The following ATP6V0E2 variants were observed in gnomAD, a reference collection of about 807,000 sequenced individuals.
ATP6V0E2 encodes the protein V-type proton ATPase subunit e 2.
In ATP6V0E2, 4 loss-of-function variants were observed where a neutral mutation model predicts 11.5. The observed-to-expected ratio is 0.35, with a 90% CI of 0.17 to 0.80. ATP6V0E2 has a LOEUF of 0.80. ATP6V0E2 is among the 30% of genes least tolerant of loss of function. The pLI, the probability that ATP6V0E2 is intolerant of heterozygous loss-of-function variation, is 0.53. For missense variants in ATP6V0E2, 93 were observed against 113.5 expected, an observed-to-expected ratio of 0.82 and a Z score of 0.82; for synonymous variants, 52 against 51.0, an observed-to-expected ratio of 1.02 and a Z score of -0.09.
intron 3 of ATP6V0E2, 51 bp from the exon 4 acceptor site, chr7:149,879,284 G>C: frequency 6.9e-7 from 1 of 1,440,158 alleles, no homozygotes; most frequent in African/African-American, 1.4e-5. Flanking sequence ...GTTGGGGGCA[G>C]TGGAGTCTCC....
Position 149,880,671 on chromosome 7 carries a change from A to C in ATP6V0E2, c.*1356A>C, listed in dbSNP as rs1310497142. On this transcript the variant is annotated 3_prime_UTR_variant, in exon 4 of 4. Coordinates refer to ENST00000425642, the MANE Select transcript of ATP6V0E2 (RefSeq NM_145230.4). ...CTTGTGCTGAAAACCTGGTTCATAT[A>C]TAATAAATAATGGTGATGAAAAGAT... is the stretch of plus-strand genomic sequence containing the variant. The C allele has an allele frequency of 2.0e-5, 3 of 152,314 alleles. No homozygotes were observed. Among genetic ancestry groups the C allele is most frequent in the Admixed American group, 6.5e-5 (1 of 15,286 alleles). 9.4% of individuals were successfully genotyped at this position (152,314 alleles called of 1,614,324 possible).
At chr7:149,875,691 C>T (rs370114996) in intron 2 of ATP6V0E2, 46 bp downstream of exon 2, 11 of 1,580,912 alleles carry the variant, frequency 7.0e-6, no homozygotes, top group Non-Finnish European at 8.7e-6. Context: ...TTCCTTTGTC[C>T]TCCCTCCTTT....
At chr7:149,877,106 T>G (rs1803194724) in intron 2 of ATP6V0E2, among the ~76,000 whole-genome samples, 1 of 91,280 alleles carries the variant, frequency 1.1e-5, no homozygotes, top group African/African-American at 4.7e-5. Flanking sequence ...GCCAGTATGG[T>G]CTCAAACTCC....
chr7:149,876,673 G>A (rs1367296687), intron 2 of ATP6V0E2, among the ~76,000 whole-genome samples: 1 of 152,244 alleles, frequency 6.6e-6, no homozygotes, highest in Non-Finnish European at 1.5e-5. Flanking sequence ...CAAGAGATAA[G>A]TTCAAGTTCT....
At chr7:149,873,886 C>T, upstream of ATP6V0E2, 1 of 1,492,056 alleles carries the variant, frequency 6.7e-7, no homozygotes, top group East Asian at 2.4e-5. Context: ...CTAGGCAGGT[C>T]CTGAGTGACA....
At position 149,874,165 on chromosome 7, in the gene ATP6V0E2, C is replaced by A; in HGVS notation, c.100C>A (p.Arg34Ser). The A allele has an allele frequency of 1.9e-6, 3 of 1,548,736 alleles. No homozygotes were observed. The highest frequency in any genetic ancestry group is 1.2e-5 in the South Asian group (1 of 83,950). The change falls in exon 1 of 4, where the codon CGC becomes AGC. Residue 34 changes from arginine (R) to serine (S), a missense_variant. Physicochemically the swap from Arg to Ser is moderately radical, Grantham distance 110. Coordinates refer to ENST00000425642, the MANE Select transcript of ATP6V0E2 (RefSeq NM_145230.4). ...CTGGTTCGTGCCGAAGGGACCCAACCGCGGGTAAGGAAAGCGCGCAGGCCC... is the reference window on the plus strand; with the variant it reads ...CTGGTTCGTGCCGAAGGGACCCAACAGCGGGTAAGGAAAGCGCGCAGGCCC... ...GPWFVPKGPNRGVIITMLVAT... is the reference protein window; with the variant it reads ...GPWFVPKGPNSGVIITMLVAT...
chr7:149,879,730 G>A lies in ATP6V0E2; in HGVS notation c.*415G>A, dbSNP rs1274760974. 1 of 1,270,126 alleles carries A rather than the reference G, an allele frequency of 7.9e-7. No individual in the cohort carries two copies. Among genetic ancestry groups the A allele is most frequent in the Non-Finnish European group, 1.0e-6 (1 of 983,026 alleles). The allele number at this position is 1,270,126 out of a possible 1,614,324, so 78.7% of individuals were successfully genotyped here. On this transcript the variant is annotated 3_prime_UTR_variant, in exon 4 of 4. Transcript: ENST00000425642. ...TGCTCCGGCCCAGGCGGGGGAGTCA[G>A]TGCCCAGTCAGCAGCTCTGCCACCA... is the stretch of plus-strand genomic sequence containing the variant.
At chr7:149,875,761 G>T in intron 2 of ATP6V0E2, 116 bp downstream of exon 2, 1 of 1,015,124 alleles carries the variant, frequency 9.9e-7, no homozygotes, top group Non-Finnish European at 1.5e-6. Context: ...TTGAAAGGCT[G>T]AACCTATAAA....
chr7:149,880,028 G>C lies in ATP6V0E2; in HGVS notation c.*713G>C, dbSNP rs1341397118. The C allele has an allele frequency of 5.2e-6, 1 of 190,970 alleles. No individual in the cohort carries two copies. The highest frequency in any genetic ancestry group is 1.1e-5 in the Non-Finnish European group (1 of 93,964). The allele number at this position is 190,970 out of a possible 1,614,324, so 11.8% of individuals were successfully genotyped here. A position where few individuals can be genotyped will look rare whatever the true frequency, so the allele number is the denominator to read the frequency against. On this transcript the variant is annotated 3_prime_UTR_variant, in exon 4 of 4. Transcript: ENST00000425642. ...GGATGTCTTCCCTCCCCCGACCCCA[G>C]CCTGTCAGTCCGAGCACAGTGCAGG...
intron 1 of ATP6V0E2, chr7:149,874,576 T>A: frequency 5.4e-6 from 1 of 186,358 alleles, no homozygotes; most frequent in East Asian, 1.5e-4. Flanking sequence ...GAGGATGACC[T>A]GCGGTAACGC....
At position 149,879,757 on chromosome 7, in the gene ATP6V0E2, C is replaced by T. The variant is rs553790493; in HGVS notation, c.*442C>T. 8.9e-7 allele frequency: 1 copy of T among 1,122,896 alleles called. No individual in the cohort carries two copies. Among genetic ancestry groups the T allele is most frequent in the South Asian group, 2.9e-5 (1 of 34,222 alleles). The allele number at this position is 1,122,896 out of a possible 1,614,324, so 69.6% of individuals were successfully genotyped here. On this transcript the variant is annotated 3_prime_UTR_variant, in exon 4 of 4. Transcript: ENST00000425642. ...GCCCAGTCAGCAGCTCTGCCACCAT[C>T]CTGCTGGGAACTGGGGGGGCCTCTA...
chr7:149,879,588 CT>C lies in ATP6V0E2; in HGVS notation c.*276del. The stretch of plus-strand genomic sequence containing the variant: ...CCCGCACTGCTCTGGAGTTTGCCCT[CT>C]TTCCCAAGGAGATGCTGCTGGGGAG... On this transcript the variant is annotated 3_prime_UTR_variant, in exon 4 of 4. Coordinates refer to ENST00000425642, the MANE Select transcript of ATP6V0E2 (RefSeq NM_145230.4). The C allele has an allele frequency of 6.7e-7, 1 of 1,487,636 alleles. No individual in the cohort carries two copies. The highest frequency in any genetic ancestry group is 1.4e-5 in the South Asian group (1 of 69,978). The allele number at this position is 1,487,636 out of a possible 1,614,324, so 92.2% of individuals were successfully genotyped here.
chr7:149,878,777 C>T lies in ATP6V0E2; in HGVS notation c.*6C>T, dbSNP rs750430948. The T allele has an allele frequency of 9.3e-6, 15 of 1,612,678 alleles. 1 individual carries two copies. Among genetic ancestry groups the T allele is most frequent in the South Asian group, 4.4e-5 (4 of 91,068 alleles). ...TGCGCTTCCTGTGGGAGTGACCCGC[C>T]GCCCCCGACCCAGGTACTGTGTGGG... is the stretch of plus-strand genomic sequence containing the variant. On this transcript the variant is annotated 3_prime_UTR_variant, in exon 3 of 4. Coordinates refer to ENST00000425642, the MANE Select transcript of ATP6V0E2 (RefSeq NM_145230.4).
At position 149,874,087 on chromosome 7, in the gene ATP6V0E2, C is replaced by T. The variant is rs11538585; in HGVS notation, c.22C>T (p.Leu8Phe). 1 of 1,550,054 alleles carries T rather than the reference C, an allele frequency of 6.5e-7. No individual in the cohort carries two copies. Among genetic ancestry groups the T allele is most frequent in the Admixed American group, 2.0e-5 (1 of 50,988 alleles). ...GGCCATGACGGCGCACTCATTCGCC[C>T]TCCCGGTCATCATCTTCACCACGTT... Reference protein sequence around the residue: MTAHSFALPVIIFTTFWG... With the variant: MTAHSFAFPVIIFTTFWG... Residue 8 changes from leucine (L) to phenylalanine (F), a missense_variant, in exon 1 of 4, where the codon CTC becomes TTC. By Grantham distance (22) the Leu-to-Phe change is conservative. Transcript: ENST00000425642.
upstream of ATP6V0E2, chr7:149,873,960 T>C: frequency 6.5e-7 from 1 of 1,545,196 alleles, no homozygotes; most frequent in Non-Finnish European, 8.7e-7. Context: ...CTTCGGGTGC[T>C]CGACTCCTGT....
At position 149,879,588 on chromosome 7, in the gene ATP6V0E2, C is replaced by T. The variant is rs746952118; in HGVS notation, c.*273C>T. 4.7e-6 allele frequency: 7 copies of T among 1,487,518 alleles called. No homozygotes were observed. In the African/African-American group the frequency reaches 7.1e-5, roughly 15 times the overall value. 92.1% of individuals were successfully genotyped at this position (1,487,518 alleles called of 1,614,324 possible). ...CCCGCACTGCTCTGGAGTTTGCCCT[C>T]TTTCCCAAGGAGATGCTGCTGGGGA... On this transcript the variant is annotated 3_prime_UTR_variant, in exon 4 of 4. Coordinates refer to ENST00000425642, the MANE Select transcript of ATP6V0E2 (RefSeq NM_145230.4).
chr7:149,874,300 G>GCCACC (rs1803007482), intron 1 of ATP6V0E2, 131 bp downstream of exon 1: 4 of 1,245,824 alleles, frequency 3.2e-6, no homozygotes, highest in African/African-American at 3.1e-5. Context: ...GACCCCGGAC[G>GCCACC]CCACCTCTGA....
chr7:149,874,022 C>T lies in ATP6V0E2; in HGVS notation c.-44C>T, dbSNP rs752208137. The T allele has an allele frequency of 1.3e-6, 2 of 1,548,030 alleles. No homozygotes were observed. Among genetic ancestry groups the T allele is most frequent in the Non-Finnish European group, 1.7e-6 (2 of 1,146,074 alleles). ...TGGGGACCCGCGCACCTGCAGCGCCCGCTGCTCGGCCCTGCATCCTGCCTG... is the reference window on the plus strand; with the variant it reads ...TGGGGACCCGCGCACCTGCAGCGCCTGCTGCTCGGCCCTGCATCCTGCCTG... On this transcript the variant is annotated 5_prime_UTR_variant, in exon 1 of 4. Transcript: ENST00000425642.
rs2128949919 is a variant in ATP6V0E2 at position 149,879,472 on chromosome 7, G to T, written c.*157G>T. ...GACCCGGACCCGCAGGGCCTGCCTGGTTCCTGGAAGTCTTCCCAGTCTTCC... is the reference window on the plus strand; with the variant it reads ...GACCCGGACCCGCAGGGCCTGCCTGTTTCCTGGAAGTCTTCCCAGTCTTCC... On this transcript the variant is annotated 3_prime_UTR_variant, in exon 4 of 4. Transcript: ENST00000425642. 6.3e-7 allele frequency: 1 copy of T among 1,594,050 alleles called. No homozygotes were observed. Among genetic ancestry groups the T allele is most frequent in the Non-Finnish European group, 8.5e-7 (1 of 1,170,864 alleles).
Sources: gnomAD v4.1 joint callset for allele counts (sites outside exome capture counted in the v4.1 genomes callset) on GRCh38, gnomAD v4.1.1 for gene constraint, MANE v1.5 for transcripts, NCBI Gene and HGNC (gene_info 2026-07-23, HGNC 2026-07-21) for gene names.